Variants in ASTN2 observed in about 807,000 individuals in gnomAD.
ASTN2 encodes the protein astrotactin 2, also known as astrotactin-2.
A neutral mutation model predicts 139.8 loss-of-function variants in ASTN2; 54 were observed. That is an observed-to-expected ratio of 0.39 (90% CI 0.31 to 0.48). The LOEUF (loss-of-function observed/expected upper bound fraction) is 0.48. Ranked by LOEUF, ASTN2 falls within the 20% of genes least tolerant of loss-of-function variation. The pLI, the probability that ASTN2 is intolerant of heterozygous loss-of-function variation, is 0.95. For missense variants in ASTN2, 1,565 were observed against 1,725.1 expected (o/e 0.91, Z 1.64); for synonymous variants, 756 against 719.5 (o/e 1.05, Z -0.81).
At chr9:117,020,895 G>A (rs375735855) in intron 6 of ASTN2, among the ~76,000 whole-genome samples, 5 of 151,866 alleles carry the variant, frequency 3.3e-5, no homozygotes, top group East Asian at 3.9e-4. Context: ...GTTATCAAAC[G>A]GAAACAAAAG....
At chr9:116,685,323 A>T (rs1336794812) in intron 16 of ASTN2, among the ~76,000 whole-genome samples, 2 of 152,162 alleles carry the variant, frequency 1.3e-5, no homozygotes, top group Non-Finnish European at 2.9e-5. Context: ...CCACCAAGTT[A>T]TCCTTAAAAT....
intron 5 of ASTN2, among the ~76,000 whole-genome samples, chr9:117,058,524 A>G (rs1349806573): frequency 6.6e-6 from 1 of 152,258 alleles, no homozygotes; most frequent in Non-Finnish European, 1.5e-5. Flanking sequence ...AATATAAATG[A>G]AATTTGTGTC....
chr9:116,598,553 A>T (rs1854704225), intron 19 of ASTN2, among the ~76,000 whole-genome samples: 1 of 152,248 alleles, frequency 6.6e-6, no homozygotes, highest in Admixed American at 6.5e-5. Context: ...CTTTTGAACC[A>T]ACCACATATT....
intron 10 of ASTN2, among the ~76,000 whole-genome samples, chr9:116,876,487 T>A (rs982155450): frequency 1.3e-5 from 2 of 152,162 alleles, no homozygotes; most frequent in Non-Finnish European, 2.9e-5. Flanking sequence ...ATTGAAAAAA[T>A]TCACTTTCAA....
chr9:117,379,430 G>A (rs1564175073), intron 1 of ASTN2, among the ~76,000 whole-genome samples: 1 of 152,182 alleles, frequency 6.6e-6, no homozygotes, highest in Non-Finnish European at 1.5e-5. Context: ...ACAAGGTGAA[G>A]TGATGGTGAC....
At chr9:116,911,895 A>G (rs1456364291) in intron 10 of ASTN2, among the ~76,000 whole-genome samples, 1 of 143,102 alleles carries the variant, frequency 7.0e-6, no homozygotes, top group Non-Finnish European at 1.5e-5. Flanking sequence ...TCCACCTCAA[A>G]CAAACAAACA....
chr9:117,069,407 C>T (rs1828045783), intron 5 of ASTN2, among the ~76,000 whole-genome samples: 1 of 107,326 alleles, frequency 9.3e-6, no homozygotes, highest in Admixed American at 8.8e-5. Flanking sequence ...TTTACATTTG[C>T]TGAGGAGAGC....
chr9:116,737,892 T>A (rs1588252734), intron 13 of ASTN2, among the ~76,000 whole-genome samples: 1 of 151,228 alleles, frequency 6.6e-6, no homozygotes, highest in Non-Finnish European at 1.5e-5. Flanking sequence ...GGAAGAGGAG[T>A]GATAAAAGAC....
chr9:117,276,593 CTG>C (rs1383322952), intron 2 of ASTN2, among the ~76,000 whole-genome samples: 10 of 152,192 alleles, frequency 6.6e-5, no homozygotes, highest in South Asian at 2.1e-4. Context: ...CACATAAGGA[CTG>C]TAATAAAACA....
intron 19 of ASTN2, among the ~76,000 whole-genome samples, chr9:116,607,669 TAACACACA>T (rs1855277617): frequency 9.2e-6 from 1 of 108,870 alleles, no homozygotes; most frequent in Admixed American, 1.1e-4. Context: ...ATTAAGAAAT[TAACACACA>T]CACACACACA....
chr9:116,540,891 T>G (rs1564355874), intron 19 of ASTN2, among the ~76,000 whole-genome samples: 1 of 152,118 alleles, frequency 6.6e-6, no homozygotes, highest in East Asian at 1.9e-4. Flanking sequence ...AAATAAATGA[T>G]TAATAATATT....
chr9:117,066,351 A>T (rs1293607130), intron 5 of ASTN2, among the ~76,000 whole-genome samples: 2 of 148,736 alleles, frequency 1.3e-5, no homozygotes, highest in African/African-American at 5.0e-5. Context: ...CATGAACTCA[A>T]CATTTCTTAT....
intron 2 of ASTN2, among the ~76,000 whole-genome samples, chr9:117,239,163 G>A (rs1833133749): frequency 6.6e-6 from 1 of 152,150 alleles, no homozygotes; most frequent in Non-Finnish European, 1.5e-5. Flanking sequence ...AAGAGGCCCT[G>A]CCACCCTTGG....
At chr9:116,450,892 T>G (rs1258863872) in intron 20 of ASTN2, among the ~76,000 whole-genome samples, 1 of 152,166 alleles carries the variant, frequency 6.6e-6, no homozygotes, top group Non-Finnish European at 1.5e-5. Context: ...ATCTTGGTAT[T>G]AAGGACTCCC....
intron 7 of ASTN2, among the ~76,000 whole-genome samples, chr9:117,004,230 C>T (rs1193238059): frequency 6.6e-6 from 1 of 152,028 alleles, no homozygotes; most frequent in Non-Finnish European, 1.5e-5. Context: ...AGCAACCCTC[C>T]CACCTCAGCT....
At chr9:116,636,395 C>T (rs1298675343) in intron 17 of ASTN2, among the ~76,000 whole-genome samples, 2 of 152,176 alleles carry the variant, frequency 1.3e-5, no homozygotes, top group Admixed American at 6.5e-5. Flanking sequence ...CTTAGACTTG[C>T]TGGGTGCAGT....
intron 1 of ASTN2, among the ~76,000 whole-genome samples, chr9:117,295,313 C>A (rs1197405074): frequency 2.6e-5 from 4 of 151,860 alleles, no homozygotes; most frequent in African/African-American, 9.7e-5. Context: ...CAGAATGAGA[C>A]CCTGTCTTTA....
chr9:116,563,292 G>A (rs1853014281), intron 19 of ASTN2, among the ~76,000 whole-genome samples: 1 of 151,606 alleles, frequency 6.6e-6, no homozygotes, highest in African/African-American at 2.4e-5. Context: ...GGAGAATGGT[G>A]TGAACCCGGG....
chr9:116,894,107 A>G (rs1236894912), intron 10 of ASTN2, among the ~76,000 whole-genome samples: 1 of 152,156 alleles, frequency 6.6e-6, no homozygotes, highest in Non-Finnish European at 1.5e-5. Flanking sequence ...GCCCTGCACA[A>G]GCACAGGTTA....
Sources: gnomAD v4.1 joint callset for allele counts (sites outside exome capture counted in the v4.1 genomes callset) on GRCh38, gnomAD v4.1.1 for gene constraint, MANE v1.5 for transcripts, NCBI Gene and HGNC (gene_info 2026-07-23, HGNC 2026-07-21) for gene names.